Variants in MBD5 observed in about 807,000 individuals in gnomAD.
MBD5 encodes methyl-CpG binding domain protein 5.
A neutral mutation model predicts 117.3 loss-of-function variants in MBD5; 13 were observed. That is an observed-to-expected ratio of 0.11 (90% CI 0.07 to 0.18). The LOEUF is 0.18. Among genes scored for constraint, MBD5 ranks in the 10% least tolerant of loss-of-function variants. MBD5 has a pLI of 1.00. For synonymous variants in MBD5, 727 were observed against 766.4 expected, an observed-to-expected ratio of 0.95 and a Z score of 0.85; for missense variants, 1,879 against 2,093.8, an observed-to-expected ratio of 0.90 and a Z score of 2.00.
intron 2 of MBD5, among the ~76,000 whole-genome samples, chr2:148,201,563 C>G (rs1262526225): frequency 6.6e-6 from 1 of 152,200 alleles, no homozygotes; most frequent in Non-Finnish European, 1.5e-5. Flanking sequence ...GATGGCTGCC[C>G]TCTGCTGGCA....
At chr2:148,416,008 G>A (rs980585940) in intron 4 of MBD5, among the ~76,000 whole-genome samples, 31 of 152,160 alleles carry the variant, frequency 2.0e-4, no homozygotes, top group Non-Finnish European at 3.4e-4. Flanking sequence ...TAAGGAACTG[G>A]TGCCATCGTT....
intron 2 of MBD5, among the ~76,000 whole-genome samples, chr2:148,199,481 A>G (rs1465425798): frequency 2.6e-5 from 4 of 152,226 alleles, no homozygotes; most frequent in Non-Finnish European, 5.9e-5. Flanking sequence ...TTGAAAGGGA[A>G]AAGATGGCCA....
At chr2:148,487,755 A>C (rs1359897369) in intron 10 of MBD5, among the ~76,000 whole-genome samples, 2 of 152,098 alleles carry the variant, frequency 1.3e-5, no homozygotes, top group South Asian at 4.1e-4. Flanking sequence ...ACACACACAC[A>C]CTACTATATG....
intron 4 of MBD5, among the ~76,000 whole-genome samples, chr2:148,420,648 C>T (rs951883743): frequency 6.6e-6 from 1 of 152,170 alleles, no homozygotes; most frequent in Non-Finnish European, 1.5e-5. Flanking sequence ...TATCACTATA[C>T]TCAAGCCAGG....
intron 1 of MBD5, among the ~76,000 whole-genome samples, chr2:148,070,566 G>A (rs1695323318): frequency 6.6e-6 from 1 of 152,122 alleles, no homozygotes; most frequent in South Asian, 2.1e-4. Context: ...ATAAAACTCT[G>A]AGGGCCATAT....
At chr2:148,101,266 C>T (rs1367263729) in intron 1 of MBD5, among the ~76,000 whole-genome samples, 7 of 151,798 alleles carry the variant, frequency 4.6e-5, no homozygotes, top group Non-Finnish European at 8.8e-5. Context: ...GCCTGGGCAA[C>T]ACAGTGAGAC....
chr2:148,145,128 C>G (rs1351132991), intron 1 of MBD5, among the ~76,000 whole-genome samples: 5 of 131,208 alleles, frequency 3.8e-5, no homozygotes, highest in African/African-American at 1.3e-4. Context: ...TTTCGTTGAG[C>G]AGTTGTTTGT....
chr2:148,151,812 T>C (rs1697678556), intron 1 of MBD5, among the ~76,000 whole-genome samples: 1 of 151,928 alleles, frequency 6.6e-6, no homozygotes, highest in African/African-American at 2.4e-5. Flanking sequence ...TTTTATTGCG[T>C]CTATTTGATT....
At chr2:148,064,526 C>T (rs900426273) in intron 1 of MBD5, among the ~76,000 whole-genome samples, 6 of 152,114 alleles carry the variant, frequency 3.9e-5, no homozygotes, top group Admixed American at 2.6e-4. Flanking sequence ...AAGCTATATT[C>T]TTCTTCATAA....
intron 1 of MBD5, among the ~76,000 whole-genome samples, chr2:148,022,041 A>T (rs1374016764): frequency 1.3e-5 from 2 of 152,070 alleles, no homozygotes; most frequent in African/African-American, 2.4e-5. Context: ...GATGTCACTT[A>T]AAAAAAATTC....
intron 12 of MBD5, among the ~76,000 whole-genome samples, chr2:148,504,166 C>G (rs1681955815): frequency 6.6e-6 from 1 of 151,636 alleles, no homozygotes. Context: ...TGAGAGCTAT[C>G]TAAAGGAATT....
At chr2:148,309,679 T>C (rs911403461) in intron 3 of MBD5, among the ~76,000 whole-genome samples, 2 of 152,170 alleles carry the variant, frequency 1.3e-5, no homozygotes, top group African/African-American at 4.8e-5. Flanking sequence ...TCAAATACTA[T>C]ATCGAATTCA....
intron 1 of MBD5, among the ~76,000 whole-genome samples, chr2:148,170,973 A>C (rs1005666574): frequency 6.6e-6 from 1 of 152,232 alleles, no homozygotes; most frequent in Non-Finnish European, 1.5e-5. Flanking sequence ...ATGACAAGTA[A>C]GGAGATTGAA....
chr2:148,092,570 G>T (rs994737394), intron 1 of MBD5, among the ~76,000 whole-genome samples: 1 of 152,124 alleles, frequency 6.6e-6, no homozygotes, highest in Non-Finnish European at 1.5e-5. Context: ...ATTATTCTAA[G>T]TGAGTAACAT....
At chr2:148,395,883 A>C (rs747937749) in intron 4 of MBD5, among the ~76,000 whole-genome samples, 2 of 152,172 alleles carry the variant, frequency 1.3e-5, no homozygotes, top group African/African-American at 2.4e-5. Flanking sequence ...TGATGTGAAC[A>C]GGCTCCGGCA....
chr2:148,059,890 G>A (rs1245668070), intron 1 of MBD5, among the ~76,000 whole-genome samples: 1 of 151,506 alleles, frequency 6.6e-6, no homozygotes, highest in Non-Finnish European at 1.5e-5. Context: ...TTCCTTTAAG[G>A]ATTTCTCTAG....
chr2:148,304,577 A>G (rs1701846184), intron 3 of MBD5, among the ~76,000 whole-genome samples: 1 of 152,228 alleles, frequency 6.6e-6, no homozygotes, highest in Non-Finnish European at 1.5e-5. Context: ...GACATTTGAT[A>G]AGACAATATG....
At chr2:148,280,690 A>G (rs553086903) in intron 3 of MBD5, among the ~76,000 whole-genome samples, 1 of 152,274 alleles carries the variant, frequency 6.6e-6, no homozygotes, top group African/African-American at 2.4e-5. Flanking sequence ...TCAGCCTCCC[A>G]AAGTGCTGGG....
chr2:148,161,353 G>A (rs568803594), intron 1 of MBD5, among the ~76,000 whole-genome samples: 5 of 152,302 alleles, frequency 3.3e-5, no homozygotes, highest in African/African-American at 1.2e-4. Context: ...GCATTATGGG[G>A]ATGCTGGGAT....
Sources: gnomAD v4.1 joint callset for allele counts (sites outside exome capture counted in the v4.1 genomes callset) on GRCh38, gnomAD v4.1.1 for gene constraint, MANE v1.5 for transcripts, NCBI Gene and HGNC (gene_info 2026-07-23, HGNC 2026-07-21) for gene names.